The following DLC1 variants were observed in gnomAD, a reference collection of about 807,000 sequenced individuals.
The protein encoded by DLC1 is DLC1 Rho GTPase activating protein.
DLC1 carries 54 observed loss-of-function variants against 140.3 expected under a neutral mutation model. The observed-to-expected ratio is 0.38, with a 90% CI of 0.31 to 0.48. The LOEUF (loss-of-function observed/expected upper bound fraction) is 0.48, where lower values mean the gene tolerates loss of function less well. Ranked by LOEUF, DLC1 falls within the 20% of genes least tolerant of loss-of-function variation. The pLI is 0.96. For missense variants in DLC1, 2,536 were observed against 1,907.0 expected (o/e 1.33, Z -6.14); for synonymous variants, 986 against 728.1 (o/e 1.35, Z -5.70).
chr8:13,591,156 G>T (rs937197036), intron 1 of DLC1, among the ~76,000 whole-genome samples: 4 of 152,004 alleles, frequency 2.6e-5, no homozygotes, highest in Non-Finnish European at 5.9e-5. Flanking sequence ...ATTTTAGGGA[G>T]ATATTAAAAA....
chr8:13,580,790 C>G (rs979693405), intron 1 of DLC1, among the ~76,000 whole-genome samples: 2 of 152,066 alleles, frequency 1.3e-5, no homozygotes, highest in Admixed American at 6.5e-5. Flanking sequence ...CCCCACACAC[C>G]AGGAGGGTAT....
chr8:13,601,945 C>T (rs889221294), intron 1 of DLC1, among the ~76,000 whole-genome samples: 2 of 151,746 alleles, frequency 1.3e-5, no homozygotes, highest in South Asian at 2.1e-4. Flanking sequence ...TCTATGCTTT[C>T]ACATTTCCAA....
chr8:13,186,513 T>C (rs1826376771), intron 5 of DLC1, among the ~76,000 whole-genome samples: 1 of 152,172 alleles, frequency 6.6e-6, no homozygotes, highest in Admixed American at 6.5e-5. Flanking sequence ...TCATTTAAGG[T>C]CTTCTCTACA....
chr8:13,125,599 A>G (rs971225036), intron 5 of DLC1, among the ~76,000 whole-genome samples: 7 of 152,166 alleles, frequency 4.6e-5, no homozygotes, highest in African/African-American at 1.7e-4. Context: ...TGAAGGGGCT[A>G]AAGCTACCCA....
intron 5 of DLC1, among the ~76,000 whole-genome samples, chr8:13,205,803 C>A (rs1199140407): frequency 6.6e-6 from 1 of 152,124 alleles, no homozygotes; most frequent in Non-Finnish European, 1.5e-5. Context: ...CATATTATCT[C>A]ATCTGAAAGA....
chr8:13,514,795 C>G lies in DLC1; in HGVS notation c.-319G>C, dbSNP rs1021199284. The stretch of plus-strand genomic sequence containing the variant: ...CCTCTGCAGCTGGAGGGAGCCTTAG[C>G]TAAGGCAGGATCCTGTCAAGGCATT... On this transcript the variant is annotated 5_prime_UTR_variant, in exon 1 of 18. Transcript: ENST00000276297. The G allele has an allele frequency of 5.0e-6, 2 of 396,218 alleles. No homozygotes were observed. Among genetic ancestry groups the G allele is most frequent in the Non-Finnish European group, 8.9e-6 (2 of 224,870 alleles). The allele number at this position is 396,218 out of a possible 1,614,324, so 24.5% of individuals were successfully genotyped here.
chr8:13,306,552 GTGTGTT>G (rs1402427502), intron 4 of DLC1, among the ~76,000 whole-genome samples: 1 of 137,450 alleles, frequency 7.3e-6, no homozygotes, highest in Non-Finnish European at 1.6e-5. Context: ...TTGTGTGTGT[GTGTGTT>G]TGTGTGTGTG....
At chr8:13,552,572 G>A (rs78493591) in intron 1 of DLC1, among the ~76,000 whole-genome samples, 3 of 151,216 alleles carry the variant, frequency 2.0e-5, no homozygotes, top group Non-Finnish European at 4.4e-5. Context: ...GTTCTGTTGG[G>A]CAGTTATATA....
At chr8:13,303,732 G>T (rs1392674901) in intron 5 of DLC1, among the ~76,000 whole-genome samples, 1 of 152,134 alleles carries the variant, frequency 6.6e-6, no homozygotes, top group Non-Finnish European at 1.5e-5. Context: ...AATCTGGGAG[G>T]TGGAGGTTGC....
chr8:13,522,627 AAAAT>A (rs1362511121), intron 1 of DLC1, among the ~76,000 whole-genome samples: 3 of 152,124 alleles, frequency 2.0e-5, no homozygotes, highest in Non-Finnish European at 4.4e-5. Flanking sequence ...TTCAGTCTCA[AAAAT>A]AAATAAATAA....
At chr8:13,200,362 G>A (rs1043750760) in intron 5 of DLC1, among the ~76,000 whole-genome samples, 9 of 151,764 alleles carry the variant, frequency 5.9e-5, no homozygotes, top group Admixed American at 2.6e-4. Flanking sequence ...GCACCTGGCC[G>A]ATAATTTACT....
chr8:13,090,229 C>T lies in DLC1; in HGVS notation c.4074+23G>A, dbSNP rs377410525. ...AGCTTCGACTCCTGGACTCAACTAGCCGACAACAGGGTGAAGCCTTACCTT... is the reference window on the plus strand; with the variant it reads ...AGCTTCGACTCCTGGACTCAACTAGTCGACAACAGGGTGAAGCCTTACCTT... On this transcript the variant is annotated intron_variant, in intron 15 of 17. Transcript: ENST00000276297. 4 of 1,605,620 alleles carry T rather than the reference C, an allele frequency of 2.5e-6. No individual in the cohort carries two copies. The African/African-American group carries it at 5.4e-5, about 22-fold the overall frequency.
At chr8:13,556,358 C>T (rs1174428058) in intron 1 of DLC1, among the ~76,000 whole-genome samples, 2 of 152,126 alleles carry the variant, frequency 1.3e-5, no homozygotes, top group African/African-American at 2.4e-5. Flanking sequence ...ACCTGGCAAT[C>T]CTAGAAAATA....
rs77872854 is a variant in DLC1 at position 13,288,422 on chromosome 8, C to T, written c.1348+16847G>A. Among the ~76,000 whole-genome samples the T allele has an allele frequency of 9.8e-3, 1,494 of 152,314 alleles. 23 individuals are homozygous for T. Among genetic ancestry groups the T allele is most frequent in the African/African-American group, 0.034 (1,403 of 41,554 alleles). On this transcript the variant is annotated intron_variant, in intron 5 of 17. Coordinates refer to ENST00000276297, the MANE Select transcript of DLC1 (RefSeq NM_182643.3). Reference sequence around the variant, plus strand: ...ACTCTTCTCTCCTTCTAAACTCAAACTCTAGCCTCCAGCTGGCTGGGCTGC... The same window carrying T: ...ACTCTTCTCTCCTTCTAAACTCAAATTCTAGCCTCCAGCTGGCTGGGCTGC...
intron 2 of DLC1, among the ~76,000 whole-genome samples, chr8:13,443,362 AAAAC>A (rs1411427464): frequency 1.3e-5 from 2 of 151,216 alleles, no homozygotes; most frequent in African/African-American, 4.8e-5. Flanking sequence ...AAAAAAAAAA[AAAAC>A]TGCCCAAATG....
intron 5 of DLC1, among the ~76,000 whole-genome samples, chr8:13,254,254 T>C (rs1830123022): frequency 1.3e-5 from 2 of 150,600 alleles, no homozygotes; most frequent in Admixed American, 1.3e-4. Context: ...ACTGTGACTA[T>C]AAAAATGAGA....
intron 4 of DLC1, among the ~76,000 whole-genome samples, chr8:13,370,925 T>C (rs1835697519): frequency 6.6e-6 from 1 of 152,136 alleles, no homozygotes; most frequent in Non-Finnish European, 1.5e-5. Flanking sequence ...CACTTACACA[T>C]GATCCTGGCC....
chr8:13,273,686 CTGTGTGTGTGTGTGTG>C (rs59265902), intron 5 of DLC1, among the ~76,000 whole-genome samples: 91 of 62,548 alleles, frequency 1.5e-3, no homozygotes, highest in Non-Finnish European at 2.0e-3. Context: ...AGAACTGTGC[CTGTGTGTGTGTGTGTG>C]TGTGTGTGTG....
intron 5 of DLC1, among the ~76,000 whole-genome samples, chr8:13,207,291 A>G (rs544740135): frequency 5.3e-5 from 8 of 152,310 alleles, no homozygotes; most frequent in African/African-American, 1.9e-4. Context: ...TATATTTACT[A>G]GTAAAATTTC....
Sources: allele counts gnomAD v4.1 joint callset (sites outside exome capture counted in the v4.1 genomes callset), GRCh38; gene constraint gnomAD v4.1.1; transcripts MANE v1.5; gene names NCBI Gene and HGNC (gene_info 2026-07-23, HGNC 2026-07-21).